Variants in ZMYM2 observed in about 807,000 individuals in gnomAD.
ZMYM2 encodes the protein zinc finger MYM-type containing 2.
ZMYM2 carries 56 observed loss-of-function variants against 162.8 expected under a neutral mutation model. The observed-to-expected ratio is 0.34, with a 90% CI of 0.28 to 0.43. The LOEUF is 0.43. Ranked by LOEUF, ZMYM2 falls within the 20% of genes least tolerant of loss-of-function variation. The probability of loss-of-function intolerance (pLI) is 1.00; values close to 1 mark genes in which losing one functional copy is unlikely to be tolerated. For missense variants in ZMYM2, 1,275 were observed against 1,621.8 expected (o/e 0.79, Z 3.67); for synonymous variants, 510 against 541.6 (o/e 0.94, Z 0.81).
At chr13:19,886,635 T>G in the ZMYM2 span, among the ~76,000 whole-genome samples, 5 of 151,562 alleles carry the variant, frequency 3.3e-5, 1 homozygote, top group African/African-American at 9.7e-5. Flanking sequence ...CTCAGGTTTT[T>G]TTGTTGTTGT....
At chr13:19,973,241 G>A (rs1484422533) in intron 2 of ZMYM2, among the ~76,000 whole-genome samples, 9 of 151,964 alleles carry the variant, frequency 5.9e-5, no homozygotes, top group Non-Finnish European at 1.2e-4. Flanking sequence ...CCAGCTACAA[G>A]TATATATATT....
the ZMYM2 span, among the ~76,000 whole-genome samples, chr13:19,937,900 G>A: frequency 6.7e-6 from 1 of 149,408 alleles, no homozygotes; most frequent in Non-Finnish European, 1.5e-5. Context: ...TTGGTTTTTT[G>A]TCCTTGCGAT....
chr13:20,045,745 A>G (rs1432548257), intron 12 of ZMYM2, among the ~76,000 whole-genome samples: 1 of 152,064 alleles, frequency 6.6e-6, no homozygotes, highest in East Asian at 1.9e-4. Context: ...ATTGTTTGAG[A>G]CAGAAATTGT....
the ZMYM2 span, among the ~76,000 whole-genome samples, chr13:19,892,722 CTT>C: frequency 1.4e-5 from 2 of 143,852 alleles, no homozygotes; most frequent in Non-Finnish European, 3.1e-5. Flanking sequence ...TTATTTTAAC[CTT>C]TTTTTTTTTT....
the ZMYM2 span, among the ~76,000 whole-genome samples, chr13:19,868,819 C>T: frequency 6.6e-6 from 1 of 152,082 alleles, no homozygotes; most frequent in African/African-American, 2.4e-5. Flanking sequence ...GGCACAATAT[C>T]GGCTCACTGC....
intron 3 of ZMYM2, among the ~76,000 whole-genome samples, chr13:19,996,066 A>G (rs555511649): frequency 4.4e-4 from 10 of 22,738 alleles, no homozygotes; most frequent in South Asian, 9.1e-3. Context: ...CTCTCCCCCA[A>G]TTCCTCTGTG....
intron 19 of ZMYM2, 21 bp from the exon 20 acceptor site, chr13:20,066,830 T>C (rs1956718401): frequency 1.3e-6 from 2 of 1,538,356 alleles, no homozygotes; most frequent in African/African-American, 2.8e-5. Flanking sequence ...AAGATATTAT[T>C]ATGGTGTTTT....
At chr13:20,045,749 A>G (rs1954715587) in intron 12 of ZMYM2, among the ~76,000 whole-genome samples, 1 of 152,034 alleles carries the variant, frequency 6.6e-6, no homozygotes, top group Admixed American at 6.6e-5. Context: ...TTTGAGACAG[A>G]AATTGTTACC....
At chr13:19,974,897 C>T (rs1956650408) in intron 2 of ZMYM2, among the ~76,000 whole-genome samples, 1 of 152,098 alleles carries the variant, frequency 6.6e-6, no homozygotes, top group Non-Finnish European at 1.5e-5. Flanking sequence ...AGGAGTCTTG[C>T]TGCATGGGAT....
chr13:19,889,946 T>G, the ZMYM2 span, among the ~76,000 whole-genome samples: 2 of 151,826 alleles, frequency 1.3e-5, no homozygotes, highest in Non-Finnish European at 2.9e-5. Context: ...TGCTGATAGC[T>G]CAAGCGTATT....
intron 3 of ZMYM2, among the ~76,000 whole-genome samples, chr13:19,996,894 T>C (rs746534131): frequency 6.6e-6 from 1 of 152,028 alleles, no homozygotes; most frequent in South Asian, 2.1e-4. Context: ...CTAAAACAAA[T>C]AAAGAAAGCT....
chr13:19,930,009 A>G, the ZMYM2 span, among the ~76,000 whole-genome samples: 1 of 152,242 alleles, frequency 6.6e-6, no homozygotes, highest in Non-Finnish European at 1.5e-5. Flanking sequence ...CTGTAATCAT[A>G]GCACTTTGGG....
intron 12 of ZMYM2, among the ~76,000 whole-genome samples, chr13:20,042,122 G>A (rs1054337833): frequency 6.6e-6 from 1 of 152,146 alleles, no homozygotes; most frequent in African/African-American, 2.4e-5. Context: ...AGGTTGGGAA[G>A]TTCTCATGGA....
At chr13:19,957,529 G>A (rs1566143645), upstream of ZMYM2, among the ~76,000 whole-genome samples, 3 of 150,890 alleles carry the variant, frequency 2.0e-5, no homozygotes, top group Non-Finnish European at 4.4e-5. Flanking sequence ...AAGACCCCTC[G>A]TGGAGGTGGC....
At chr13:19,926,049 C>A in the ZMYM2 span, among the ~76,000 whole-genome samples, 1 of 151,402 alleles carries the variant, frequency 6.6e-6, no homozygotes, top group Non-Finnish European at 1.5e-5. Context: ...CAACCTCGGC[C>A]TCCTGGGTTC....
At chr13:19,967,534 G>A (rs747230437) in intron 2 of ZMYM2, among the ~76,000 whole-genome samples, 2 of 152,164 alleles carry the variant, frequency 1.3e-5, no homozygotes, top group African/African-American at 2.4e-5. Flanking sequence ...TGTTGCAGAA[G>A]TATATACATT....
At chr13:19,908,020 G>T in the ZMYM2 span, among the ~76,000 whole-genome samples, 2 of 152,146 alleles carry the variant, frequency 1.3e-5, no homozygotes, top group Admixed American at 1.3e-4. Flanking sequence ...AGCCGTGGTG[G>T]CTCACGCCAG....
At chr13:19,884,619 G>A in the ZMYM2 span, among the ~76,000 whole-genome samples, 1,826 of 152,124 alleles carry the variant, frequency 0.012, 37 homozygotes, top group African/African-American at 0.04. Flanking sequence ...TATTACAGCT[G>A]TTAAAGGTGA....
chr13:20,083,547 C>G (rs547668946), intron 23 of ZMYM2, 109 bp from the exon 24 acceptor site: 1 of 850,224 alleles, frequency 1.2e-6, no homozygotes, highest in South Asian at 1.9e-5. Flanking sequence ...TAACTTAAAA[C>G]TCCAAGGGGC....
Sources: allele counts gnomAD v4.1 joint callset (sites outside exome capture counted in the v4.1 genomes callset), GRCh38; gene constraint gnomAD v4.1.1; transcripts MANE v1.5; gene names NCBI Gene and HGNC (gene_info 2026-07-23, HGNC 2026-07-21).